Variants in PHF14 observed in about 807,000 individuals in gnomAD.
PHF14 encodes the protein PHD finger protein 14.
PHF14 carries 55 observed loss-of-function variants against 117.9 expected under a neutral mutation model. The observed-to-expected ratio is 0.47, with a 90% CI of 0.38 to 0.58. The LOEUF (loss-of-function observed/expected upper bound fraction) is 0.58, where lower values mean the gene tolerates loss of function less well. Ranked by LOEUF, PHF14 falls within the 20% of genes least tolerant of loss-of-function variation. PHF14 has a pLI of 0.00. For synonymous variants in PHF14, 409 were observed against 368.6 expected (o/e 1.11, Z -1.26); for missense variants, 978 against 1,122.2 (o/e 0.87, Z 1.84).
At position 10,983,074 on chromosome 7, in the gene PHF14, A is replaced by G; in HGVS notation, c.815A>G (p.Lys272Arg). The G allele has an allele frequency of 6.3e-7, 1 of 1,599,162 alleles. No individual in the cohort carries two copies. The highest frequency in any genetic ancestry group is 2.2e-5 in the East Asian group (1 of 44,868). The change falls in exon 3 of 18, where the codon AAG becomes AGG. Residue 272 changes from lysine to arginine, a missense_variant. Around this residue, in one of 7 missense-constraint regions of PHF14, gnomAD observed 414 missense variants for 376.4 expected, o/e 1.10. Transcript: ENST00000634607. Reference protein sequence around the residue: ...PASEGGCKKKKSKVLSRNSAD... With the variant: ...PASEGGCKKKRSKVLSRNSAD... ...AGTGAAGGGGGTTGCAAGAAGAAGA[A>G]GAGTAAAGTTCTTAGCAGAAACAGT...
At position 11,073,538 on chromosome 7, in the gene PHF14, G is replaced by T. The variant is rs368026241; in HGVS notation, c.2654+11453G>T. Among the ~76,000 whole-genome samples, 3 of 152,324 alleles carry T rather than the reference G, an allele frequency of 2.0e-5. No homozygotes were observed. In the East Asian group the frequency reaches 5.8e-4, roughly 29 times the overall value. On this transcript the variant is annotated intron_variant, in intron 16 of 17. Coordinates refer to ENST00000634607, the MANE Select transcript of PHF14 (RefSeq NM_001007157.2). ...TTCAGCCCCCTTGGCTGCTCTCATGGGTTGGAGTTAAATGCCTGTGGCTTT... is the reference window on the plus strand; with the variant it reads ...TTCAGCCCCCTTGGCTGCTCTCATGTGTTGGAGTTAAATGCCTGTGGCTTT...
At chr7:11,107,575 C>G (rs975646037) in intron 16 of PHF14, 5 of 842,120 alleles carry the variant, frequency 5.9e-6, no homozygotes, top group Non-Finnish European at 7.1e-6. Context: ...TTTAAGCATC[C>G]AGTTTTTATT....
At chr7:11,049,858 A>G (rs1404419463) in intron 13 of PHF14, among the ~76,000 whole-genome samples, 1 of 152,186 alleles carries the variant, frequency 6.6e-6, no homozygotes, top group Non-Finnish European at 1.5e-5. Context: ...TAATGATGGT[A>G]ATCTGACAAC....
chr7:11,081,639 G>C (rs546844525), intron 16 of PHF14, among the ~76,000 whole-genome samples: 5 of 149,636 alleles, frequency 3.3e-5, no homozygotes, highest in African/African-American at 4.9e-5. Context: ...GGCGGATCAT[G>C]AAGTCAGGAG....
chr7:11,028,658 AT>A, intron 6 of PHF14, 22 bp from the exon 7 acceptor site: 1 of 1,611,804 alleles, frequency 6.2e-7, no homozygotes, highest in Non-Finnish European at 8.5e-7. Flanking sequence ...TGCTTTGAGA[AT>A]TTTTCTGTTA....
intron 4 of PHF14, among the ~76,000 whole-genome samples, chr7:11,007,034 AGGTG>A (rs879693769): frequency 8.6e-4 from 131 of 152,040 alleles, no homozygotes; most frequent in Non-Finnish European, 1.3e-3. Context: ...AAAATTTGCC[AGGTG>A]TGGTAGTGGG....
chr7:11,050,104 T>C (rs1329818831), intron 13 of PHF14, among the ~76,000 whole-genome samples: 2 of 152,300 alleles, frequency 1.3e-5, no homozygotes, highest in East Asian at 3.9e-4. Flanking sequence ...ACAAAACAAA[T>C]GGTACTTGGT....
At chr7:11,144,584 AAATT>A (rs1442567588) in intron 17 of PHF14, among the ~76,000 whole-genome samples, 5 of 148,442 alleles carry the variant, frequency 3.4e-5, no homozygotes, top group African/African-American at 7.3e-5. Flanking sequence ...TATAAAATAT[AAATT>A]AATGTAATAT....
intron 17 of PHF14, among the ~76,000 whole-genome samples, chr7:11,118,495 C>A (rs1206433251): frequency 5.3e-5 from 8 of 151,266 alleles, no homozygotes; most frequent in Admixed American, 4.0e-4. Context: ...CTTAACAATC[C>A]CACTAATTAT....
intron 17 of PHF14, among the ~76,000 whole-genome samples, chr7:11,139,174 T>C (rs1788332959): frequency 6.6e-6 from 1 of 152,170 alleles, no homozygotes; most frequent in South Asian, 2.1e-4. Flanking sequence ...AATTTGCCAC[T>C]ATCATAGAAG....
chr7:11,139,539 G>A (rs2128350586), intron 17 of PHF14, among the ~76,000 whole-genome samples: 1 of 152,258 alleles, frequency 6.6e-6, no homozygotes, highest in African/African-American at 2.4e-5. Context: ...AGAAATTAAA[G>A]ACAAACAGAA....
chr7:11,099,820 G>C (rs1226063009), intron 16 of PHF14, among the ~76,000 whole-genome samples: 1 of 151,968 alleles, frequency 6.6e-6, no homozygotes, highest in African/African-American at 2.4e-5. Context: ...TTTCAAAAAA[G>C]ATCCTAAAGT....
intron 16 of PHF14, among the ~76,000 whole-genome samples, chr7:11,082,910 C>T (rs1786207111): frequency 6.6e-6 from 1 of 151,940 alleles, no homozygotes; most frequent in Non-Finnish European, 1.5e-5. Context: ...CTTTTTCTTT[C>T]TTTCTGCCTT....
chr7:11,146,434 G>T (rs1055587854), intron 17 of PHF14, among the ~76,000 whole-genome samples: 38 of 152,118 alleles, frequency 2.5e-4, no homozygotes, highest in African/African-American at 9.2e-4. Context: ...TTTCTAAATA[G>T]TTATCTAGAC....
rs1782557355 is a variant in PHF14 at position 10,994,300 on chromosome 7, A to G, written c.1045+3453A>G. Among the ~76,000 whole-genome samples, 17 of 152,252 alleles carry G rather than the reference A, an allele frequency of 1.1e-4. No homozygotes were observed. In the South Asian group the frequency reaches 3.5e-3, roughly 32 times the overall value. On this transcript the variant is annotated intron_variant, in intron 4 of 17. Transcript: ENST00000634607. Reference sequence around the variant, plus strand: ...TAAAAATACAAAAAATTAGCTGGGCATGGTGGCATGTGCCTGTAGTCCTAG... The same window carrying G: ...TAAAAATACAAAAAATTAGCTGGGCGTGGTGGCATGTGCCTGTAGTCCTAG...
intron 4 of PHF14, among the ~76,000 whole-genome samples, chr7:10,992,443 A>C (rs946472718): frequency 6.7e-6 from 1 of 149,038 alleles, no homozygotes. Context: ...CGGGCGGATC[A>C]CCTGAGGTCA....
chr7:11,010,432 C>G (rs576578957), intron 4 of PHF14, among the ~76,000 whole-genome samples: 5 of 151,916 alleles, frequency 3.3e-5, no homozygotes, highest in South Asian at 4.1e-4. Context: ...GTGTTATAGT[C>G]TAACTCCTTT....
intron 3 of PHF14, among the ~76,000 whole-genome samples, 178 bp downstream of exon 3, chr7:10,983,337 C>T (rs1300770093): frequency 5.3e-5 from 8 of 152,138 alleles, no homozygotes. Flanking sequence ...TATTAAATAT[C>T]TACTATTTGT....
intron 14 of PHF14, among the ~76,000 whole-genome samples, chr7:11,054,155 T>C (rs1784939846): frequency 6.6e-6 from 1 of 151,948 alleles, no homozygotes; most frequent in Non-Finnish European, 1.5e-5. Flanking sequence ...TGGTGCTAAG[T>C]TTGGAAATGA....
Sources: allele counts gnomAD v4.1 joint callset (sites outside exome capture counted in the v4.1 genomes callset), GRCh38; gene constraint gnomAD v4.1.1; regional missense constraint gnomAD v4.1.1; transcripts MANE v1.5; gene names NCBI Gene and HGNC (gene_info 2026-07-23, HGNC 2026-07-21).